The following RADIL variants were observed in gnomAD, a reference collection of about 807,000 sequenced individuals.
RADIL encodes Rap associating with DIL domain.
RADIL carries 99 observed loss-of-function variants against 97.6 expected under a neutral mutation model. That is an observed-to-expected ratio of 1.01 (90% CI 0.86 to 1.20). RADIL has a LOEUF of 1.20. RADIL is among the 50% of genes most tolerant of loss of function. The pLI, the probability that RADIL is intolerant of heterozygous loss-of-function variation, is 0.00. For missense variants in RADIL, 1,765 were observed against 1,498.9 expected, an observed-to-expected ratio of 1.18 and a Z score of -2.93; for synonymous variants, 803 against 691.8, an observed-to-expected ratio of 1.16 and a Z score of -2.52.
At position 4,867,357 on chromosome 7, in the gene RADIL, T is replaced by C. The variant is rs1448204580; in HGVS notation, c.535+10248A>G. ...CAGGTTCATTGTGTCACCATTTTAG[T>C]AGGAAGAAGCTGTACCCAATTTGAG... On this transcript the variant is annotated intron_variant, in intron 2 of 14. Transcript: ENST00000399583. The surrounding 1 kb of genome is among the most constrained non-coding windows in gnomAD (Gnocchi z 4.1). Among the ~76,000 whole-genome samples the C allele has an allele frequency of 6.6e-6, 1 of 151,932 alleles. No homozygotes were observed. The highest frequency in any genetic ancestry group is 2.4e-5 in the African/African-American group (1 of 41,340).
intron 2 of RADIL, chr7:4,861,430 T>G: frequency 6.2e-7 from 1 of 1,614,186 alleles, no homozygotes; most frequent in Non-Finnish European, 8.5e-7. Flanking sequence ...AAAAGTCGCT[T>G]CGATCCACAT....
intron 9 of RADIL, among the ~76,000 whole-genome samples, chr7:4,810,098 C>T (rs1782497595): frequency 6.6e-6 from 1 of 152,126 alleles, no homozygotes; most frequent in South Asian, 2.1e-4. Context: ...GGTGATCCAC[C>T]CACCTCGGCC....
intron 9 of RADIL, among the ~76,000 whole-genome samples, chr7:4,807,799 CCTCCCTCTCTCCT>C (rs1782375440): frequency 1.3e-5 from 1 of 77,634 alleles, no homozygotes; most frequent in African/African-American, 5.8e-5. Context: ...GTCTCCTCTC[CCTCCCTCTCTCCT>C]CCTTCCTACC....
At chr7:4,845,202 T>C (rs1783538984) in intron 2 of RADIL, among the ~76,000 whole-genome samples, 1 of 152,166 alleles carries the variant, frequency 6.6e-6, no homozygotes, top group South Asian at 2.1e-4. Context: ...GGAGGATCAC[T>C]TGAAGCCAGG....
At chr7:4,832,764 G>A (rs10279305) in intron 4 of RADIL, among the ~76,000 whole-genome samples, 13,159 of 128,708 alleles carry the variant, frequency 0.1, 2,113 homozygotes, top group African/African-American at 0.37. Context: ...AAAAAAAAAA[G>A]AATTATTCTT....
intron 5 of RADIL, 55 bp downstream of exon 5, chr7:4,832,086 T>C: frequency 1.3e-6 from 2 of 1,588,996 alleles, no homozygotes; most frequent in Non-Finnish European, 1.7e-6. Flanking sequence ...CCGGGAAGTG[T>C]GAGCCCCCAG....
intron 2 of RADIL, among the ~76,000 whole-genome samples, 183 bp from the exon 3 acceptor site, chr7:4,836,788 A>G (rs558290466): frequency 4.6e-5 from 7 of 152,142 alleles, no homozygotes; most frequent in Non-Finnish European, 1.0e-4. Flanking sequence ...AAATACAAAA[A>G]TGAGTTGGGC....
Position 4,817,394 on chromosome 7 carries a change from G to A in RADIL, c.1616-43C>T, listed in dbSNP as rs1462274612. On this transcript the variant is annotated intron_variant, in intron 6 of 14. Coordinates refer to ENST00000399583, the MANE Select transcript of RADIL (RefSeq NM_018059.5). This position sits in a 1 kb window ranked among gnomAD's most constrained non-coding sequence, Gnocchi z 8.3. The stretch of plus-strand genomic sequence containing the variant: ...CGCCAATGGTCACAACGGGCACAGC[G>A]CTCAGGAACGCAGCAACTCAGCCAG... 13 of 1,542,480 alleles carry A rather than the reference G, an allele frequency of 8.4e-6. No homozygotes were observed. The highest frequency in any genetic ancestry group is 2.3e-5 in the East Asian group (1 of 43,078).
In RADIL at chr7:4,834,876, C is replaced by A; in HGVS notation, c.1147G>T (p.Gly383Trp). The change falls in exon 4 of 15, where the codon GGG becomes TGG. Residue 383 changes from glycine (G) to tryptophan (W), a missense_variant. Physicochemically the swap from Gly to Trp is radical, Grantham distance 184. Coordinates refer to ENST00000399583, the MANE Select transcript of RADIL (RefSeq NM_018059.5). This position sits in a 1 kb window ranked among gnomAD's most constrained non-coding sequence, Gnocchi z 6.0. ...GCTCCCCGGGCCCCGAGCGCGGCCC[C>A]GCACAGCCGGCAGCTCTGCGGCACA... ...RAVPQSCRLCGAALGARGAAS... is the reference protein window; with the variant it reads ...RAVPQSCRLCWAALGARGAAS... The A allele has an allele frequency of 2.8e-6, 4 of 1,425,436 alleles. No homozygotes were observed. Among genetic ancestry groups the A allele is most frequent in the Non-Finnish European group, 3.7e-6 (4 of 1,092,138 alleles). The allele number at this position is 1,425,436 out of a possible 1,614,324, so 88.3% of individuals were successfully genotyped here.
At chr7:4,816,612 G>T in intron 7 of RADIL, 147 bp from the exon 8 acceptor site, 1 of 673,174 alleles carries the variant, frequency 1.5e-6, no homozygotes, top group South Asian at 1.8e-5. Flanking sequence ...CCATGGCTTT[G>T]CAAATGTCCA....
chr7:4,846,303 T>G (rs1250262132), intron 2 of RADIL, among the ~76,000 whole-genome samples: 3 of 151,768 alleles, frequency 2.0e-5, no homozygotes, highest in Non-Finnish European at 1.5e-5. Flanking sequence ...CCTGCCTCCA[T>G]GCCCAGCTAA....
intron 2 of RADIL, among the ~76,000 whole-genome samples, chr7:4,846,181 G>A (rs576276552): frequency 1.6e-4 from 24 of 150,374 alleles, no homozygotes; most frequent in African/African-American, 5.9e-4. Context: ...CCAGGCTGGA[G>A]TGCAGTGGTG....
rs1782847770 is a variant in RADIL at position 4,822,046 on chromosome 7, CTG to C, written c.1615+346_1615+347del. 6.6e-6 allele frequency among the ~76,000 whole-genome samples: 1 copy of C among 152,106 alleles called. No individual in the cohort carries two copies. Among genetic ancestry groups the C allele is most frequent in the African/African-American group, 2.4e-5 (1 of 41,416 alleles). On this transcript the variant is annotated intron_variant, in intron 6 of 14. Transcript: ENST00000399583. This position sits in a 1 kb window ranked among gnomAD's most constrained non-coding sequence, Gnocchi z 5.3. ...CCTTACATTTGGTTCACGGTGGCAT[CTG>C]TGTCTCCCCTACTGAGTGATCTGTG... is the stretch of plus-strand genomic sequence containing the variant.
intron 9 of RADIL, among the ~76,000 whole-genome samples, chr7:4,811,929 C>T (rs910007892): frequency 5.9e-5 from 9 of 152,134 alleles, no homozygotes; most frequent in African/African-American, 2.2e-4. Context: ...GGCTGGAGTG[C>T]AGTGGCACAA....
rs748969744 is a variant in RADIL at position 4,815,494 on chromosome 7, G to A, written c.1967-44C>T. 2.1e-6 allele frequency: 3 copies of A among 1,451,214 alleles called. No individual in the cohort carries two copies. The highest frequency in any genetic ancestry group is 2.0e-4 in the Middle Eastern group (1 of 4,912). 89.9% of individuals were successfully genotyped at this position (1,451,214 alleles called of 1,614,324 possible). The stretch of plus-strand genomic sequence containing the variant: ...AGGGTGATGCCTGGGCTGCCCTCCT[G>A]GGGGGACACAGACATGGGCCTGTCC... On this transcript the variant is annotated intron_variant, in intron 8 of 14. Transcript: ENST00000399583. This position sits in a 1 kb window ranked among gnomAD's most constrained non-coding sequence, Gnocchi z 8.0.
chr7:4,834,769 C>A lies in RADIL; in HGVS notation c.1254G>T (p.Leu418=). Residue 418 remains leucine (L), a synonymous_variant, in exon 4 of 15, where the codon CTG becomes CTT. Transcript: ENST00000399583. The surrounding 1 kb of genome is among the most constrained non-coding windows in gnomAD (Gnocchi z 6.0). The part of the protein sequence containing the change: ...EFEPHLEDTL[L]QRIMTLIEPG... ...GCTCGATCAACGTCATGATCCTCTG[C>A]AGCAGCGTGTCCTCCAGGTGGGGCT... 1.4e-6 allele frequency: 2 copies of A among 1,387,646 alleles called. No homozygotes were observed. Among genetic ancestry groups the A allele is most frequent in the South Asian group, 1.9e-5 (1 of 51,836 alleles). The allele number at this position is 1,387,646 out of a possible 1,614,324, so 86.0% of individuals were successfully genotyped here. A position where few individuals can be genotyped will look rare whatever the true frequency, so the allele number is the denominator to read the frequency against.
At position 4,837,223 on chromosome 7, in the gene RADIL, T is replaced by C. The variant is rs1340130465; in HGVS notation, c.536-618A>G. Among the ~76,000 whole-genome samples the C allele has an allele frequency of 6.6e-6, 1 of 152,178 alleles. No individual in the cohort carries two copies. Among genetic ancestry groups the C allele is most frequent in the East Asian group, 1.9e-4 (1 of 5,194 alleles). ...AGCAGCCCAGGGTCACACCGCGGCC[T>C]GCCCGACCAGCCAGCACCACGGCCC... On this transcript the variant is annotated intron_variant, in intron 2 of 14. Transcript: ENST00000399583. This position sits in a 1 kb window ranked among gnomAD's most constrained non-coding sequence, Gnocchi z 5.6.
chr7:4,852,176 G>T (rs1783725343), intron 2 of RADIL, among the ~76,000 whole-genome samples: 1 of 152,186 alleles, frequency 6.6e-6, no homozygotes, highest in African/African-American at 2.4e-5. Context: ...GGCCTAGACT[G>T]AAGGGAACAG....
rs866690032 is a variant in RADIL, at chr7:4,835,622, C to T, written c.784-383G>A. On this transcript the variant is annotated intron_variant, in intron 3 of 14. Coordinates refer to ENST00000399583, the MANE Select transcript of RADIL (RefSeq NM_018059.5). This position sits in a 1 kb window ranked among gnomAD's most constrained non-coding sequence, Gnocchi z 5.8. Reference sequence around the variant, plus strand: ...GAGCACTGCCGCCTGTGTGGGAGCACCACCCCCAGTGTGGGAGCACTGCCG... The same window carrying T: ...GAGCACTGCCGCCTGTGTGGGAGCATCACCCCCAGTGTGGGAGCACTGCCG... Among the ~76,000 whole-genome samples the T allele has an allele frequency of 9.9e-5, 15 of 151,966 alleles. No homozygotes were observed. The highest frequency in any genetic ancestry group is 3.3e-4 in the Admixed American group (5 of 15,282).
Sources: allele counts gnomAD v4.1 joint callset (sites outside exome capture counted in the v4.1 genomes callset), GRCh38; gene constraint gnomAD v4.1.1; non-coding constraint Gnocchi (gnomAD v3.1); transcripts MANE v1.5; gene names NCBI Gene and HGNC (gene_info 2026-07-23, HGNC 2026-07-21).